PIGW: variants seen among roughly 807,000 people sequenced by gnomAD.
The protein encoded by PIGW is phosphatidylinositol glycan anchor biosynthesis class W, also known as glucosaminyl-phosphatidylinositol-acyltransferase PIGW.
Under a neutral mutation model 34.0 loss-of-function variants are expected in PIGW, and 23 were observed. The ratio of observed to expected loss-of-function variants is 0.68; its 90% CI spans 0.49 to 0.96. The LOEUF (loss-of-function observed/expected upper bound fraction) is 0.96, where lower values mean the gene tolerates loss of function less well. Among genes scored for constraint, PIGW ranks in the 40% least tolerant of loss-of-function variants. PIGW has a pLI of 0.00. For missense variants in PIGW, 574 were observed against 586.3 expected, an observed-to-expected ratio of 0.98 and a Z score of 0.22; for synonymous variants, 225 against 225.2, an observed-to-expected ratio of 1.00 and a Z score of 0.01.
At chr17:36,536,080 T>C (rs1291245709) in intron 1 of PIGW, among the ~76,000 whole-genome samples, 1 of 152,206 alleles carries the variant, frequency 6.6e-6, no homozygotes, top group Non-Finnish European at 1.5e-5. Flanking sequence ...TCTTCCAGTA[T>C]GCCGTTTTTC....
In PIGW at chr17:36,538,635, AT is replaced by A. The variant is rs1381009169; in HGVS notation, c.*20del. On this transcript the variant is annotated 3_prime_UTR_variant, in exon 2 of 2. Transcript: ENST00000614443. ...TTGGTGATCAGCAGGAGTAGGATAT[AT>A]AAGTATTTGGGCAATATTTAATGAG... 2.6e-6 allele frequency: 4 copies of A among 1,526,882 alleles called. No homozygotes were observed. Among genetic ancestry groups the A allele is most frequent in the Non-Finnish European group, 3.6e-6 (4 of 1,122,278 alleles). 94.6% of individuals were successfully genotyped at this position (1,526,882 alleles called of 1,614,324 possible).
In PIGW at chr17:36,537,315, T is replaced by G. The variant is rs775198561; in HGVS notation, c.214T>G (p.Leu72Val). 7 of 1,614,052 alleles carry G rather than the reference T, an allele frequency of 4.3e-6. No individual in the cohort carries two copies. The highest frequency in any genetic ancestry group is 5.9e-6 in the Non-Finnish European group (7 of 1,180,012). The change falls in exon 2 of 2, where the codon TTG becomes GTG. Residue 72 changes from leucine (L) to valine (V), a missense_variant. By Grantham distance (32) the Leu-to-Val change is conservative. Coordinates refer to ENST00000614443, the MANE Select transcript of PIGW (RefSeq NM_001346754.2). The part of the protein sequence containing the change: ...VVLIVPMVAT[L>V]TIWASFILLE... ...CCTAATAGTTCCCATGGTAGCCACT[T>G]TGACCATTTGGGCTTCATTTATCCT...
chr17:36,536,635 C>T (rs1309089732), intron 1 of PIGW, among the ~76,000 whole-genome samples: 1 of 151,620 alleles, frequency 6.6e-6, no homozygotes, highest in African/African-American at 2.4e-5. Flanking sequence ...CTGCCTCAGC[C>T]TCTAAAGTAG....
Position 36,539,129 on chromosome 17 carries a change from TAAG to T in PIGW, c.*514_*516del, listed in dbSNP as rs2074181496. 6.0e-6 allele frequency: 1 copy of T among 167,178 alleles called. No individual in the cohort carries two copies. Among genetic ancestry groups the T allele is most frequent in the Non-Finnish European group, 1.5e-5 (1 of 68,218 alleles). The allele number at this position is 167,178 out of a possible 1,614,324, so 10.4% of individuals were successfully genotyped here. A position where few individuals can be genotyped will look rare whatever the true frequency, so the allele number is the denominator to read the frequency against. ...AGCCTTTTGACTTGTTAGAATGTAT[TAAG>T]TAGTATTTTAAAGAAACTTTATAGT... On this transcript the variant is annotated 3_prime_UTR_variant, in exon 2 of 2. Transcript: ENST00000614443.
chr17:36,538,658 T>C lies in PIGW; in HGVS notation c.*42T>C. On this transcript the variant is annotated 3_prime_UTR_variant, in exon 2 of 2. Transcript: ENST00000614443. ...ATATAAGTATTTGGGCAATATTTAA[T>C]GAGGAATATTAATTGTAAAGAAATT... 1.4e-6 allele frequency: 2 copies of C among 1,412,100 alleles called. No homozygotes were observed. Among genetic ancestry groups the C allele is most frequent in the South Asian group, 1.3e-5 (1 of 74,984 alleles). 87.5% of individuals were successfully genotyped at this position (1,412,100 alleles called of 1,614,324 possible). A position where few individuals can be genotyped will look rare whatever the true frequency, so the allele number is the denominator to read the frequency against.
Position 36,537,276 on chromosome 17 carries a change from A to G in PIGW, c.175A>G (p.Thr59Ala), listed in dbSNP as rs1182714158. 9 of 1,613,214 alleles carry G rather than the reference A, an allele frequency of 5.6e-6. No homozygotes were observed. In the Admixed American group the frequency reaches 1.5e-4, roughly 27 times the overall value. Residue 59 changes from threonine to alanine, a missense_variant, in exon 2 of 2, where the codon ACT (threonine) becomes GCT (alanine). Coordinates refer to ENST00000614443, the MANE Select transcript of PIGW (RefSeq NM_001346754.2). ...FSPTWKTRFL[T>A]DFVVLIVPMV... ...ACCTACCTGGAAAACTAGATTCCTC[A>G]CTGACTTTGTTGTCCTAATAGTTCC...
intron 1 of PIGW, among the ~76,000 whole-genome samples, chr17:36,536,349 T>C (rs1381479367): frequency 6.6e-6 from 1 of 152,054 alleles, no homozygotes. Flanking sequence ...CAAAATGTAC[T>C]TGGCCCCTAG....
chr17:36,538,227 T>G lies in PIGW; in HGVS notation c.1126T>G (p.Trp376Gly). The G allele has an allele frequency of 6.2e-7, 1 of 1,613,202 alleles. No homozygotes were observed. The highest frequency in any genetic ancestry group is 8.5e-7 in the Non-Finnish European group (1 of 1,180,028). Reference protein sequence around the residue: ...RRMANLAFCIWIVASSLILLS... With the variant: ...RRMANLAFCIGIVASSLILLS... ...AATGGCAAATTTAGCCTTTTGTATT[T>G]GGATAGTTGCTTCTAGCCTGATCCT... Residue 376 changes from tryptophan to glycine, a missense_variant, in exon 2 of 2, where the codon TGG (tryptophan) becomes GGG (glycine). Physicochemically the swap from Trp to Gly is radical, Grantham distance 184. Coordinates refer to ENST00000614443, the MANE Select transcript of PIGW (RefSeq NM_001346754.2).
Position 36,537,825 on chromosome 17 carries a change from A to G in PIGW, c.724A>G (p.Ile242Val). The change falls in exon 2 of 2, where the codon ATA (isoleucine) becomes GTA (valine). Residue 242 changes from isoleucine to valine, a missense_variant. Physicochemically the swap from Ile to Val is conservative, Grantham distance 29 (BLOSUM62 3). Coordinates refer to ENST00000614443, the MANE Select transcript of PIGW (RefSeq NM_001346754.2). ...AGTTCACTGGAACTTTTTCTTTACCATAATAGTTGTGAAATTGATAACACC... is the reference window on the plus strand; with the variant it reads ...AGTTCACTGGAACTTTTTCTTTACCGTAATAGTTGTGAAATTGATAACACC... ...YGVHWNFFFT[I>V]IVVKLITPLL... 5.6e-6 allele frequency: 9 copies of G among 1,614,142 alleles called. No individual in the cohort carries two copies. Among genetic ancestry groups the G allele is most frequent in the Non-Finnish European group, 7.6e-6 (9 of 1,180,030 alleles).
chr17:36,536,524 C>CTTTTT (rs10715370), intron 1 of PIGW, among the ~76,000 whole-genome samples: 8 of 125,526 alleles, frequency 6.4e-5, no homozygotes, highest in Non-Finnish European at 8.2e-5. Context: ...TTTTCTTTTC[C>CTTTTT]TTTTTTTTTT....
rs753976547 is a variant in PIGW at position 36,538,846 on chromosome 17, C to T, written c.*230C>T. 22 of 408,814 alleles carry T rather than the reference C, an allele frequency of 5.4e-5. No homozygotes were observed. The highest frequency in any genetic ancestry group is 9.0e-5 in the Non-Finnish European group (20 of 222,804). 25.3% of individuals were successfully genotyped at this position (408,814 alleles called of 1,614,324 possible). A position where few individuals can be genotyped will look rare whatever the true frequency, so the allele number is the denominator to read the frequency against. On this transcript the variant is annotated 3_prime_UTR_variant, in exon 2 of 2. Transcript: ENST00000614443. ...TCAGCTCACTGCAACCTCCACCTCC[C>T]GGGTTCAAGCAATTCTCCTGCCTCA...
chr17:36,537,824 C>G lies in PIGW; in HGVS notation c.723C>G (p.Thr241=). 1 of 1,613,988 alleles carries G rather than the reference C, an allele frequency of 6.2e-7. No homozygotes were observed. Among genetic ancestry groups the G allele is most frequent in the Non-Finnish European group, 8.5e-7 (1 of 1,179,994 alleles). Residue 241 remains threonine (T), a synonymous_variant, in exon 2 of 2, where the codon ACC becomes ACG. Coordinates refer to ENST00000614443, the MANE Select transcript of PIGW (RefSeq NM_001346754.2). ...EYGVHWNFFF[T]IIVVKLITPL... The stretch of plus-strand genomic sequence containing the variant: ...GAGTTCACTGGAACTTTTTCTTTAC[C>G]ATAATAGTTGTGAAATTGATAACAC...
chr17:36,535,446 G>A lies in PIGW; in HGVS notation c.-155G>A, dbSNP rs2074082274. ...GGGCGGAGACGCGCGGAATCGGCCG[G>A]CCCGGAAGTGCCAGCTGCCTGCGTC... On this transcript the variant is annotated 5_prime_UTR_variant, in exon 1 of 2. Coordinates refer to ENST00000614443, the MANE Select transcript of PIGW (RefSeq NM_001346754.2). 6.6e-6 allele frequency: 1 copy of A among 152,302 alleles called. No homozygotes were observed. Among genetic ancestry groups the A allele is most frequent in the Admixed American group, 6.5e-5 (1 of 15,294 alleles). 9.4% of individuals were successfully genotyped at this position (152,302 alleles called of 1,614,324 possible).
Position 36,535,395 on chromosome 17 carries a change from C to G in PIGW, c.-206C>G, listed in dbSNP as rs576018718. ...GGACATGACAGGAGTGGGTAGCCCA[C>G]GGGACACTGGCACGAGCGCCATGAT... On this transcript the variant is annotated 5_prime_UTR_variant, in exon 1 of 2. Transcript: ENST00000614443. 6.6e-6 allele frequency: 1 copy of G among 152,404 alleles called. No homozygotes were observed. The highest frequency in any genetic ancestry group is 1.9e-4 in the East Asian group (1 of 5,184). 9.4% of individuals were successfully genotyped at this position (152,404 alleles called of 1,614,324 possible).
In PIGW at chr17:36,537,705, T is replaced by C. The variant is rs2074161704; in HGVS notation, c.604T>C (p.Ser202Pro). The part of the protein sequence containing the change: ...EGSKLHYFTN[S>P]LYSVWPLVFL... Reference sequence around the variant, plus strand: ...GTCCAAATTGCATTACTTTACAAACTCATTGTACTCTGTTTGGCCATTAGT... The same window carrying C: ...GTCCAAATTGCATTACTTTACAAACCCATTGTACTCTGTTTGGCCATTAGT... The change falls in exon 2 of 2, where the codon TCA becomes CCA. Residue 202 changes from serine to proline, a missense_variant. Ser to Pro is a moderately conservative substitution (Grantham distance 74, BLOSUM62 -1). Transcript: ENST00000614443. 6.2e-7 allele frequency: 1 copy of C among 1,614,038 alleles called. No homozygotes were observed. Among genetic ancestry groups the C allele is most frequent in the African/African-American group, 1.3e-5 (1 of 74,912 alleles).
At position 36,537,549 on chromosome 17, in the gene PIGW, C is replaced by G; in HGVS notation, c.448C>G (p.Pro150Ala). Residue 150 changes from proline (P) to alanine (A), a missense_variant, in exon 2 of 2, where the codon CCA becomes GCA. Pro to Ala is a conservative substitution (Grantham distance 27). Coordinates refer to ENST00000614443, the MANE Select transcript of PIGW (RefSeq NM_001346754.2). ...TAIAILAVDF[P>A]LFPRRFAKTE... is the part of the protein sequence containing the mutation. ...TATTGCTATTTTGGCTGTGGACTTC[C>G]CACTTTTTCCCAGAAGATTTGCCAA... is the stretch of plus-strand genomic sequence containing the variant. The G allele has an allele frequency of 6.2e-7, 1 of 1,614,106 alleles. No individual in the cohort carries two copies. The highest frequency in any genetic ancestry group is 1.1e-5 in the South Asian group (1 of 91,084).
rs1290721958 is a variant in PIGW, at chr17:36,538,551, A to G, written c.1450A>G (p.Met484Val). ...GGCCTTATTTGTGGTCAATCTCTAT[A>G]TGTTTTCCAACTGTTTAATTGTATA... ...LWALFVVNLY[M>V]FSNCLIVYVL... Residue 484 changes from methionine (M) to valine (V), a missense_variant, in exon 2 of 2, where the codon ATG becomes GTG. Met to Val is a conservative substitution (Grantham distance 21). Coordinates refer to ENST00000614443, the MANE Select transcript of PIGW (RefSeq NM_001346754.2). 3 of 1,613,818 alleles carry G rather than the reference A, an allele frequency of 1.9e-6. No individual in the cohort carries two copies. The highest frequency in any genetic ancestry group is 2.5e-6 in the Non-Finnish European group (3 of 1,179,770).
Position 36,537,691 on chromosome 17 carries a change from A to G in PIGW, c.590A>G (p.His197Arg), listed in dbSNP as rs1330731548. The change falls in exon 2 of 2, where the codon CAT (histidine) becomes CGT (arginine). Residue 197 changes from histidine (H) to arginine (R), a missense_variant. Coordinates refer to ENST00000614443, the MANE Select transcript of PIGW (RefSeq NM_001346754.2). ...RRKYMEGSKLHYFTNSLYSVW... is the reference protein window; with the variant it reads ...RRKYMEGSKLRYFTNSLYSVW... ...AAATATATGGAAGGGTCCAAATTGC[A>G]TTACTTTACAAACTCATTGTACTCT... The G allele has an allele frequency of 6.2e-7, 1 of 1,613,984 alleles. No homozygotes were observed. Among genetic ancestry groups the G allele is most frequent in the Non-Finnish European group, 8.5e-7 (1 of 1,180,032 alleles).
At position 36,537,957 on chromosome 17, in the gene PIGW, T is replaced by C. The variant is rs2074165957; in HGVS notation, c.856T>C (p.Leu286=). 4 of 1,614,090 alleles carry C rather than the reference T, an allele frequency of 2.5e-6. No individual in the cohort carries two copies. The highest frequency in any genetic ancestry group is 1.6e-4 in the Middle Eastern group (1 of 6,062). ...LDFTSLKRLI[L]YGTDGSGTRV... is the part of the protein sequence containing the mutation. ...CTTTACCTCACTGAAGAGGTTAATA[T>C]TATATGGCACTGATGGTAGTGGCAC... Residue 286 remains leucine, a synonymous_variant, in exon 2 of 2, where the codon TTA becomes CTA. Transcript: ENST00000614443.
Sources: allele counts gnomAD v4.1 joint callset (sites outside exome capture counted in the v4.1 genomes callset), GRCh38; gene constraint gnomAD v4.1.1; transcripts MANE v1.5; gene names NCBI Gene and HGNC (gene_info 2026-07-23, HGNC 2026-07-21).